ANKRD30BL: variants seen among roughly 807,000 people sequenced by gnomAD.
ANKRD30BL encodes putative ankyrin repeat domain-containing protein 30B-like.
In ANKRD30BL, 20 loss-of-function variants were observed where a neutral mutation model predicts 18.4. That is an observed-to-expected ratio of 1.09 (90% confidence interval 0.77 to 1.58). ANKRD30BL has a LOEUF of 1.58. Ranked by LOEUF, ANKRD30BL falls within the 40% of genes most tolerant of loss-of-function variation. ANKRD30BL has a pLI of 0.00. For synonymous variants in ANKRD30BL, 72 were observed against 100.9 expected (o/e 0.71, Z 1.72); for missense variants, 224 against 268.6 (o/e 0.83, Z 1.16).
chr2:132,175,117 G>A (rs949810364), intron 1 of ANKRD30BL, among the ~76,000 whole-genome samples: 2 of 152,194 alleles, frequency 1.3e-5, no homozygotes, highest in Non-Finnish European at 2.9e-5. Flanking sequence ...AAAGTATAGA[G>A]AAAGAAAAGT....
intron 1 of ANKRD30BL, among the ~76,000 whole-genome samples, chr2:132,238,056 T>G (rs1680209693): frequency 6.6e-6 from 1 of 151,990 alleles, no homozygotes; most frequent in Non-Finnish European, 1.5e-5. Flanking sequence ...AGAACAGTTT[T>G]GAAACACTTT....
intron 1 of ANKRD30BL, among the ~76,000 whole-genome samples, chr2:132,170,021 C>G (rs1688251347): frequency 6.6e-6 from 1 of 152,024 alleles, no homozygotes; most frequent in Non-Finnish European, 1.5e-5. Context: ...GACTCAACAT[C>G]CAGTAGAAGG....
intron 1 of ANKRD30BL, among the ~76,000 whole-genome samples, chr2:132,242,446 C>T (rs80065722): frequency 6.6e-6 from 1 of 151,530 alleles, no homozygotes; most frequent in Non-Finnish European, 1.5e-5. Flanking sequence ...GTTGAACATT[C>T]CCTTTCATAG....
At chr2:132,187,844 C>T (rs1001826804) in intron 1 of ANKRD30BL, among the ~76,000 whole-genome samples, 6 of 151,398 alleles carry the variant, frequency 4.0e-5, no homozygotes, top group African/African-American at 1.2e-4. Context: ...TTGCAACCTC[C>T]GCCTCCTGGG....
chr2:132,159,596 C>T (rs1333709120), intron 1 of ANKRD30BL, among the ~76,000 whole-genome samples: 3 of 152,004 alleles, frequency 2.0e-5, no homozygotes, highest in Non-Finnish European at 4.4e-5. Context: ...TTAAATTGCT[C>T]AATTATAATT....
intron 1 of ANKRD30BL, among the ~76,000 whole-genome samples, chr2:132,229,238 A>T (rs935733954): frequency 2.6e-5 from 4 of 152,124 alleles, no homozygotes; most frequent in Non-Finnish European, 5.9e-5. Flanking sequence ...CTGCAAGTGG[A>T]CCTTTCGAGT....
intron 1 of ANKRD30BL, among the ~76,000 whole-genome samples, chr2:132,160,065 C>T (rs1688013196): frequency 6.6e-6 from 1 of 152,064 alleles, no homozygotes; most frequent in African/African-American, 2.4e-5. Context: ...CTGTTGTATT[C>T]ATTTACCTGT....
chr2:132,185,484 C>G (rs917613077), intron 1 of ANKRD30BL, among the ~76,000 whole-genome samples: 1 of 152,022 alleles, frequency 6.6e-6, no homozygotes, highest in Non-Finnish European at 1.5e-5. Context: ...GGAAAGAAAG[C>G]AAAAGTCTTC....
chr2:132,150,796 T>A, intron 5 of ANKRD30BL, 116 bp downstream of exon 5: 1 of 403,836 alleles, frequency 2.5e-6, no homozygotes, highest in Admixed American at 4.7e-5. Context: ...CACATATAGG[T>A]CTATATGTAA....
At chr2:132,210,787 T>G (rs1679324405) in intron 1 of ANKRD30BL, among the ~76,000 whole-genome samples, 1 of 145,826 alleles carries the variant, frequency 6.9e-6, no homozygotes, top group African/African-American at 2.6e-5. Context: ...AGTTGAACAT[T>G]TCTTTGGATT....
At chr2:132,164,008 A>G (rs189587309), upstream of ANKRD30BL, among the ~76,000 whole-genome samples, 1 of 152,324 alleles carries the variant, frequency 6.6e-6, no homozygotes, top group Non-Finnish European at 1.5e-5. Context: ...CTACGACTCA[A>G]TTCTTTTATC....
rs1688072395 is a variant in ANKRD30BL at position 132,161,788 on chromosome 2, T to G, written c.-83A>C. Reference sequence around the variant, plus strand: ...CCCCGCCGCTCGCCCTCGCCCTTCTTCAGTCCCTGCATCCGCCCTGACAAG... The same window carrying G: ...CCCCGCCGCTCGCCCTCGCCCTTCTGCAGTCCCTGCATCCGCCCTGACAAG... On this transcript the variant is annotated 5_prime_UTR_variant, in exon 1 of 6. Coordinates refer to ENST00000409867, the MANE Select transcript of ANKRD30BL (RefSeq NM_001358416.1). The G allele has an allele frequency of 4.3e-6, 3 of 698,718 alleles. No individual in the cohort carries two copies. The highest frequency in any genetic ancestry group is 7.5e-6 in the Non-Finnish European group (3 of 398,232). 43.3% of individuals were successfully genotyped at this position (698,718 alleles called of 1,614,324 possible).
At chr2:132,200,378 T>G (rs1272128972) in intron 1 of ANKRD30BL, among the ~76,000 whole-genome samples, 1 of 152,130 alleles carries the variant, frequency 6.6e-6, no homozygotes, top group Non-Finnish European at 1.5e-5. Context: ...ATGACATGAT[T>G]GTATGTCTAG....
At chr2:132,148,525 C>A (rs1256107565) in intron 5 of ANKRD30BL, among the ~76,000 whole-genome samples, 3 of 151,828 alleles carry the variant, frequency 2.0e-5, no homozygotes, top group Non-Finnish European at 2.9e-5. Flanking sequence ...GCATGCCACC[C>A]AGGCCCAGCT....
intron 1 of ANKRD30BL, among the ~76,000 whole-genome samples, chr2:132,234,343 G>C (rs1302423072): frequency 6.6e-6 from 1 of 151,890 alleles, no homozygotes; most frequent in Middle Eastern, 3.2e-3. Context: ...AATCAGAGCA[G>C]AACTGAAGGA....
At chr2:132,187,808 G>T (rs547733490) in intron 1 of ANKRD30BL, among the ~76,000 whole-genome samples, 2 of 151,282 alleles carry the variant, frequency 1.3e-5, no homozygotes, top group Middle Eastern at 3.5e-3. Context: ...GCACAGGCTG[G>T]AGTGCAATGG....
rs200657727 is a variant in ANKRD30BL, at chr2:132,237,108, T to C, written n.441+20421A>G. Reference sequence around the variant, plus strand: ...CATGGACACAGGAAGGGGAACATCATACTCTGGGGAATGTTGTGAGGTGGG... The same window carrying C: ...CATGGACACAGGAAGGGGAACATCACACTCTGGGGAATGTTGTGAGGTGGG... On this transcript the variant is annotated intron_variant and non_coding_transcript_variant, in intron 1 of 4. Transcript: ENST00000470729. Among the ~76,000 whole-genome samples the C allele has an allele frequency of 5.3e-5, 8 of 150,680 alleles. No homozygotes were observed. The Admixed American group carries it at 5.4e-4, about 10-fold the overall frequency.
intron 1 of ANKRD30BL, among the ~76,000 whole-genome samples, chr2:132,185,941 G>C (rs1216335685): frequency 6.6e-6 from 1 of 152,100 alleles, no homozygotes; most frequent in Non-Finnish European, 1.5e-5. Flanking sequence ...AGAAGTTCAA[G>C]ACCAGCCTAG....
At chr2:132,152,147 A>G (rs1687773128) in intron 4 of ANKRD30BL, 1 of 152,254 alleles carries the variant, frequency 6.6e-6, no homozygotes, top group Non-Finnish European at 1.5e-5. Flanking sequence ...TATGAAAATC[A>G]CAATTGCAAT....
Sources: gnomAD v4.1 joint callset for allele counts (sites outside exome capture counted in the v4.1 genomes callset) on GRCh38, gnomAD v4.1.1 for gene constraint, MANE v1.5 for transcripts, NCBI Gene and HGNC (gene_info 2026-07-23, HGNC 2026-07-21) for gene names.